Variants in NSD2 observed in about 807,000 individuals in gnomAD.
NSD2 encodes the protein nuclear receptor binding SET domain protein 2, also known as histone-lysine N-methyltransferase NSD2.
Under a neutral mutation model 139.0 loss-of-function variants are expected in NSD2, and 12 were observed. The observed-to-expected ratio is 0.09, with a 90% CI of 0.06 to 0.14. The LOEUF (loss-of-function observed/expected upper bound fraction) is 0.14. Ranked by LOEUF, NSD2 falls within the 10% of genes least tolerant of loss-of-function variation. The pLI is 1.00. For synonymous variants in NSD2, 669 were observed against 648.7 expected (o/e 1.03, Z -0.48); for missense variants, 1,155 against 1,745.0 (o/e 0.66, Z 6.02).
At chr4:1,890,895 C>G (rs1026293862) in intron 1 of NSD2, among the ~76,000 whole-genome samples, 5 of 151,914 alleles carry the variant, frequency 3.3e-5, no homozygotes, top group African/African-American at 1.2e-4. Flanking sequence ...CCACGCCCGG[C>G]CTTTTTTTTC....
intron 3 of NSD2, among the ~76,000 whole-genome samples, chr4:1,907,221 A>T (rs1418122314): frequency 2.0e-5 from 3 of 152,178 alleles, no homozygotes; most frequent in Non-Finnish European, 4.4e-5. Flanking sequence ...GGATGCTCGT[A>T]TTAGCAATTG....
At chr4:1,906,386 G>T (rs1427350842) in intron 3 of NSD2, among the ~76,000 whole-genome samples, 1 of 151,804 alleles carries the variant, frequency 6.6e-6, no homozygotes, top group Admixed American at 6.6e-5. Flanking sequence ...CTACAGGTGC[G>T]TGCCACCACA....
intron 1 of NSD2, among the ~76,000 whole-genome samples, chr4:1,874,195 A>G (rs1714084343): frequency 6.6e-6 from 1 of 152,206 alleles, no homozygotes; most frequent in Non-Finnish European, 1.5e-5. Context: ...TCATGGCCAT[A>G]GAATGCATAC....
chr4:1,959,232 T>C (rs1232878549), intron 16 of NSD2, among the ~76,000 whole-genome samples: 1 of 152,082 alleles, frequency 6.6e-6, no homozygotes, highest in Non-Finnish European at 1.5e-5. Flanking sequence ...GCACAGACAC[T>C]AAGATAAAAT....
chr4:1,898,194 C>A (rs1560584195), intron 1 of NSD2, among the ~76,000 whole-genome samples: 1 of 152,146 alleles, frequency 6.6e-6, no homozygotes, highest in Non-Finnish European at 1.5e-5. Flanking sequence ...TCAAGCGATC[C>A]TCCTGCCTCA....
chr4:1,901,868 A>C (rs1315660539), intron 2 of NSD2, among the ~76,000 whole-genome samples: 1 of 152,210 alleles, frequency 6.6e-6, no homozygotes, highest in Non-Finnish European at 1.5e-5. Flanking sequence ...CACTGAACAC[A>C]AGCGAATGAG....
chr4:1,943,763 A>G (rs571085182), intron 9 of NSD2: 1 of 1,059,888 alleles, frequency 9.4e-7, no homozygotes, highest in Non-Finnish European at 1.1e-6. Context: ...ATGGGGAAAA[A>G]AAGATGGTAT....
chr4:1,903,996 A>T (rs1220298418), intron 2 of NSD2, among the ~76,000 whole-genome samples: 1 of 152,196 alleles, frequency 6.6e-6, no homozygotes, highest in Non-Finnish European at 1.5e-5. Context: ...GGCCTCCCAA[A>T]GTGCTGGGAC....
chr4:1,946,935 C>T, intron 9 of NSD2: 2 of 1,059,236 alleles, frequency 1.9e-6, no homozygotes, highest in Non-Finnish European at 2.3e-6. Flanking sequence ...TAGTTGTTGG[C>T]CTTTTTGCAT....
chr4:1,954,682 A>G (rs1367245108), intron 12 of NSD2: 1 of 154,598 alleles, frequency 6.5e-6, no homozygotes, highest in African/African-American at 2.4e-5. Flanking sequence ...ATGGCCCATT[A>G]TATGTAAGAA....
chr4:1,894,880 C>T (rs1409958277), intron 1 of NSD2, among the ~76,000 whole-genome samples: 2 of 152,144 alleles, frequency 1.3e-5, no homozygotes, highest in African/African-American at 4.8e-5. Flanking sequence ...AACCATGACA[C>T]TGTCTCCAGA....
At chr4:1,913,113 C>T (rs202006784) in intron 3 of NSD2, among the ~76,000 whole-genome samples, 2 of 151,808 alleles carry the variant, frequency 1.3e-5, no homozygotes, top group African/African-American at 4.8e-5. Flanking sequence ...CTAGGAAAAA[C>T]CAGGTCATAC....
chr4:1,964,489 C>T (rs1725673840), intron 18 of NSD2, among the ~76,000 whole-genome samples: 1 of 152,190 alleles, frequency 6.6e-6, no homozygotes, highest in Admixed American at 6.5e-5. Context: ...CAGCCATGCA[C>T]ATGTTCTTGG....
In NSD2 at chr4:1,976,714, GTC is replaced by G. The variant is rs755599707; in HGVS notation, c.3826+37_3826+38del. On this transcript the variant is annotated intron_variant, in intron 21 of 21. Coordinates refer to ENST00000508803, the MANE Select transcript of NSD2 (RefSeq NM_001042424.3). This position sits in a 1 kb window ranked among gnomAD's most constrained non-coding sequence, Gnocchi z 5.3. ...CAGCCTCGCGGTGGCTTGCAGCTGT[GTC>G]TGTGTGGCAGGCTCCTGATGGCGGC... 24 of 1,540,214 alleles carry G rather than the reference GTC, an allele frequency of 1.6e-5. No individual in the cohort carries two copies. Among genetic ancestry groups the G allele is most frequent in the Non-Finnish European group, 1.9e-5 (22 of 1,141,204 alleles).
intron 1 of NSD2, among the ~76,000 whole-genome samples, chr4:1,896,042 C>T (rs1716245859): frequency 1.3e-5 from 2 of 152,214 alleles, no homozygotes; most frequent in Non-Finnish European, 2.9e-5. Context: ...GTCCTCTGTC[C>T]TCAGGACATG....
chr4:1,915,475 T>C lies in NSD2; in HGVS notation c.761-1396T>C, dbSNP rs1719263928. Among the ~76,000 whole-genome samples the C allele has an allele frequency of 1.3e-5, 2 of 152,340 alleles. 1 individual carries two copies. The highest frequency in any genetic ancestry group is 2.9e-5 in the Non-Finnish European group (2 of 68,030). ...AATATCTCTTTGTTTTTCTGTGTTC[T>C]CTTTTCATAGCACACAGGGTTTCTC... On this transcript the variant is annotated intron_variant, in intron 3 of 21. Coordinates refer to ENST00000508803, the MANE Select transcript of NSD2 (RefSeq NM_001042424.3).
chr4:1,875,422 C>G (rs1233252341), intron 1 of NSD2, among the ~76,000 whole-genome samples: 1 of 151,672 alleles, frequency 6.6e-6, no homozygotes, highest in Non-Finnish European at 1.5e-5. Flanking sequence ...GCTGGGACAA[C>G]AGGCATGTGC....
At chr4:1,871,606 G>A (rs2108871039) in intron 1 of NSD2, 64 bp downstream of exon 1, 1 of 150,776 alleles carries the variant, frequency 6.6e-6, no homozygotes, top group Non-Finnish European at 1.5e-5. Context: ...CCGGGAGGCC[G>A]GGCTGTGGGA....
chr4:1,924,767 A>G (rs920331432), intron 5 of NSD2, among the ~76,000 whole-genome samples: 7 of 151,894 alleles, frequency 4.6e-5, no homozygotes, highest in Non-Finnish European at 8.8e-5. Flanking sequence ...AAACAAAACA[A>G]AACAAGAAAA....
Sources: allele counts gnomAD v4.1 joint callset (sites outside exome capture counted in the v4.1 genomes callset), GRCh38; gene constraint gnomAD v4.1.1; non-coding constraint Gnocchi (gnomAD v3.1); transcripts MANE v1.5; gene names NCBI Gene and HGNC (gene_info 2026-07-23, HGNC 2026-07-21).